Variants in C4orf50 observed in about 807,000 individuals in gnomAD.
C4orf50 encodes chromosome 4 open reading frame 50, also known as uncharacterized protein C4orf50.
C4orf50 carries 80 observed loss-of-function variants against 77.2 expected under a neutral mutation model. The ratio of observed to expected loss-of-function variants is 1.04; its 90% CI spans 0.87 to 1.25. C4orf50 has a LOEUF of 1.25. Ranked by LOEUF, C4orf50 falls within the 50% of genes most tolerant of loss-of-function variation. The probability of loss-of-function intolerance (pLI) is 0.00; values close to 1 mark genes in which losing one functional copy is unlikely to be tolerated. For missense variants in C4orf50, 1,257 were observed against 1,152.9 expected, an observed-to-expected ratio of 1.09 and a Z score of -1.31; for synonymous variants, 532 against 465.3, an observed-to-expected ratio of 1.14 and a Z score of -1.84.
intron 7 of C4orf50, among the ~76,000 whole-genome samples, chr4:5,910,550 G>A (rs1055656680): frequency 1.3e-5 from 2 of 152,164 alleles, no homozygotes; most frequent in Non-Finnish European, 2.9e-5. Context: ...TCTAGAGTGT[G>A]TCCTTGTATA....
intron 7 of C4orf50, among the ~76,000 whole-genome samples, chr4:5,914,891 T>C (rs1716966784): frequency 6.6e-6 from 1 of 152,200 alleles, no homozygotes. Flanking sequence ...CAGATGAAGG[T>C]GCCATCTCAT....
At chr4:5,990,392 C>T (rs1404859731) in exon 28 of C4orf50, 19 of 423,006 alleles carry the variant, frequency 4.5e-5, no homozygotes, top group Non-Finnish European at 6.4e-5. Context: ...AGGCTTCCTC[C>T]TCCATTGTTC....
chr4:5,946,324 C>T (rs1268872529), intron 7 of C4orf50, among the ~76,000 whole-genome samples: 1 of 152,268 alleles, frequency 6.6e-6, no homozygotes, highest in Non-Finnish European at 1.5e-5. Flanking sequence ...TCTTCACAAA[C>T]CCAAAACCCC....
At chr4:5,991,597 G>A (rs6446429) in intron 27 of C4orf50, among the ~76,000 whole-genome samples, 70,714 of 152,102 alleles carry the variant, frequency 0.46, 17,548 homozygotes, top group East Asian at 0.83. Context: ...GCCTGAGGAT[G>A]AAATTTGCCT....
At chr4:6,004,217 G>GATATTGATGGTGATGATGGTGATA (rs1722075328) in intron 25 of C4orf50, among the ~76,000 whole-genome samples, 1 of 108,340 alleles carries the variant, frequency 9.2e-6, no homozygotes, top group Non-Finnish European at 2.1e-5. Context: ...TGATGGTGAT[G>GATATTGATGGTGATGATGGTGATA]GTGATGATGT....
At position 6,009,769 on chromosome 4, in the gene C4orf50, A is replaced by C. The variant is rs1210744240; in HGVS notation, c.427-1237T>G. On this transcript the variant is annotated intron_variant, in intron 24 of 33. Coordinates refer to ENST00000531445, the Ensembl canonical transcript of C4orf50. This position sits in a 1 kb window ranked among gnomAD's most constrained non-coding sequence, Gnocchi z 5.6. Reference sequence around the variant, plus strand: ...CAAGCACTCCTGCAAAACTCGCTTCAAAATACAGATGTTTGCAGCGAGAGA... The same window carrying C: ...CAAGCACTCCTGCAAAACTCGCTTCCAAATACAGATGTTTGCAGCGAGAGA... Among the ~76,000 whole-genome samples, 1 of 152,224 alleles carries C rather than the reference A, an allele frequency of 6.6e-6. No homozygotes were observed. The highest frequency in any genetic ancestry group is 1.5e-5 in the Non-Finnish European group (1 of 68,032).
intron 30 of C4orf50, among the ~76,000 whole-genome samples, chr4:5,974,087 AG>A (rs1463910143): frequency 6.6e-6 from 1 of 152,322 alleles, no homozygotes; most frequent in East Asian, 1.9e-4. Flanking sequence ...GGCTCAAGGC[AG>A]CAGGGGTCAA....
In C4orf50 at chr4:5,919,956, T is replaced by A. The variant is rs1033190536; in HGVS notation, c.*2475-21768A>T. Among the ~76,000 whole-genome samples, 1 of 152,258 alleles carries A rather than the reference T, an allele frequency of 6.6e-6. No homozygotes were observed. Among genetic ancestry groups the A allele is most frequent in the African/African-American group, 2.4e-5 (1 of 41,468 alleles). On this transcript the variant is annotated intron_variant, in intron 7 of 7. Coordinates refer to the C4orf50 transcript ENST00000324058. The surrounding 1 kb of genome is among the most constrained non-coding windows in gnomAD (Gnocchi z 6.5). ...TCTGTGTTCAACACGCACAGACTTT[T>A]CTTGTCATCATTCCCTCAACAACAC...
intron 30 of C4orf50, among the ~76,000 whole-genome samples, chr4:5,974,487 G>A (rs7676635): frequency 0.47 from 70,705 of 151,896 alleles, 16,764 homozygotes; most frequent in East Asian, 0.71. Context: ...AATGTGGGGT[G>A]GAAAATAACT....
rs986948080 is a variant in C4orf50 at position 5,932,106 on chromosome 4, C to T, written c.*2474+24795G>A. Among the ~76,000 whole-genome samples the T allele has an allele frequency of 5.7e-5, 8 of 139,238 alleles. No individual in the cohort carries two copies. The highest frequency in any genetic ancestry group is 1.2e-4 in the Non-Finnish European group (8 of 65,614). The allele number at this position is 139,238 out of a possible 152,430, so 91.3% of individuals were successfully genotyped here. On this transcript the variant is annotated intron_variant, in intron 7 of 7. Coordinates refer to the C4orf50 transcript ENST00000324058. The surrounding 1 kb of genome is among the most constrained non-coding windows in gnomAD (Gnocchi z 4.2). ...TTTCCGTGCAATGTTTGGCCTCTTG[C>T]CCCCCTCTCAGCTGAGGAAGGCAGG...
intron 31 of C4orf50, 72 bp from the exon 10 acceptor site, chr4:5,967,534 T>C (rs534669240): frequency 4.3e-6 from 6 of 1,380,240 alleles, no homozygotes; most frequent in South Asian, 1.2e-5. Flanking sequence ...AAGACTGCAA[T>C]TGGACCAAGC....
At chr4:5,993,341 G>A (rs1313114104) in intron 26 of C4orf50, among the ~76,000 whole-genome samples, 2 of 152,218 alleles carry the variant, frequency 1.3e-5, no homozygotes, top group South Asian at 2.1e-4. Context: ...TGAGATAAAG[G>A]GAAAACGCTG....
chr4:6,018,232 G>A lies in C4orf50; in HGVS notation c.200C>T (p.Ala67Val), dbSNP rs531173058. The change falls in exon 23 of 34, where the codon GCG (alanine) becomes GTG (valine). Residue 67 changes from alanine (A) to valine (V), a missense_variant. Ala to Val is a moderately conservative substitution (Grantham distance 64, BLOSUM62 0). Coordinates refer to ENST00000531445, the Ensembl canonical transcript of C4orf50. This position sits in a 1 kb window ranked among gnomAD's most constrained non-coding sequence, Gnocchi z 5.1. ...GGAGGACTCCAGCTGCCTCCTGAGC[G>A]CACCCATATCCATGTCTGGGCGGCC... 1.2e-3 allele frequency: 460 copies of A among 398,980 alleles called. 2 individuals are homozygous for A. The highest frequency in any genetic ancestry group is 0.011 in the East Asian group (306 of 28,074). 24.7% of individuals were successfully genotyped at this position (398,980 alleles called of 1,614,324 possible). A position where few individuals can be genotyped will look rare whatever the true frequency, so the allele number is the denominator to read the frequency against.
chr4:5,959,817 T>C (rs1322327752), intron 33 of C4orf50, among the ~76,000 whole-genome samples, 191 bp from the exon 12 acceptor site: 1 of 152,248 alleles, frequency 6.6e-6, no homozygotes, highest in Admixed American at 6.5e-5. Flanking sequence ...AGACACATGC[T>C]GTCATCACTG....
chr4:5,960,525 G>A (rs1004762994), intron 33 of C4orf50, among the ~76,000 whole-genome samples: 4 of 146,068 alleles, frequency 2.7e-5, no homozygotes, highest in African/African-American at 1.1e-4. Context: ...TGAAAAAGAG[G>A]CTGGACAGCA....
intron 7 of C4orf50, among the ~76,000 whole-genome samples, chr4:5,914,102 G>A (rs1357474820): frequency 6.6e-6 from 1 of 151,404 alleles, no homozygotes; most frequent in African/African-American, 2.4e-5. Context: ...AGATAAAATT[G>A]TATATTGACT....
chr4:5,983,761 A>G (rs1720724254), intron 28 of C4orf50, among the ~76,000 whole-genome samples: 1 of 152,210 alleles, frequency 6.6e-6, no homozygotes, highest in Non-Finnish European at 1.5e-5. Context: ...TGGTCCTGCT[A>G]GATGGAGAAA....
At position 5,970,869 on chromosome 4, in the gene C4orf50, G is replaced by T. The variant is rs930634444; in HGVS notation, c.4104+2790C>A. On this transcript the variant is annotated intron_variant, in intron 31 of 33. Coordinates refer to ENST00000531445, the Ensembl canonical transcript of C4orf50. This position sits in a 1 kb window ranked among gnomAD's most constrained non-coding sequence, Gnocchi z 4.3. ...GGAGCCTAGCAGCAGGATGCTGGGA[G>T]GGTGGAGTAAGCAGATCCATGGAGA... is the stretch of plus-strand genomic sequence containing the variant. 4.6e-5 allele frequency among the ~76,000 whole-genome samples: 7 copies of T among 152,204 alleles called. No homozygotes were observed. The highest frequency in any genetic ancestry group is 5.9e-5 in the Non-Finnish European group (4 of 68,034).
intron 7 of C4orf50, among the ~76,000 whole-genome samples, chr4:5,946,741 G>A (rs1718497552): frequency 6.6e-6 from 1 of 152,238 alleles, no homozygotes; most frequent in South Asian, 2.1e-4. Context: ...CCAGCCAATG[G>A]AGACAGGACA....
Sources: gnomAD v4.1 joint callset for allele counts (sites outside exome capture counted in the v4.1 genomes callset) on GRCh38, gnomAD v4.1.1 for gene constraint, Gnocchi (gnomAD v3.1) non-coding constraint, MANE v1.5 for transcripts, NCBI Gene and HGNC (gene_info 2026-07-23, HGNC 2026-07-21) for gene names.